PCDHA6: variants seen among roughly 807,000 people sequenced by gnomAD.
The protein encoded by PCDHA6 is protocadherin alpha-6.
PCDHA6 carries 55 observed loss-of-function variants against 60.3 expected under a neutral mutation model. The observed-to-expected ratio is 0.91, with a 90% CI of 0.73 to 1.14. The LOEUF is 1.14. Among genes scored for constraint, PCDHA6 ranks in the 50% most tolerant of loss-of-function variants. The pLI is 0.00. For missense variants in PCDHA6, 1,327 were observed against 1,256.5 expected (o/e 1.06, Z -0.85); for synonymous variants, 652 against 557.9 (o/e 1.17, Z -2.38).
chr5:140,868,245 C>T (rs1264028092), intron 1 of PCDHA6: 1 of 152,002 alleles, frequency 6.6e-6, no homozygotes, highest in Non-Finnish European at 1.5e-5. Context: ...GATCAATAGA[C>T]TTTTCCTTTG....
At chr5:140,903,570 C>G (rs781884167) in intron 1 of PCDHA6, among the ~76,000 whole-genome samples, 3 of 152,154 alleles carry the variant, frequency 2.0e-5, no homozygotes, top group Non-Finnish European at 4.4e-5. Context: ...GAATTGGGAG[C>G]TGTCTAGCTG....
chr5:140,969,311 G>A (rs2096317598), intron 1 of PCDHA6: 2 of 1,614,050 alleles, frequency 1.2e-6, no homozygotes, highest in Non-Finnish European at 1.7e-6. Context: ...TCTCAAAAAT[G>A]AGGCTGTTTC....
intron 1 of PCDHA6, chr5:140,870,137 A>C (rs1554163840): frequency 6.2e-7 from 1 of 1,613,940 alleles, no homozygotes; most frequent in Non-Finnish European, 8.5e-7. Flanking sequence ...ACCAACGATA[A>C]CTCTCCTGAA....
intron 1 of PCDHA6, among the ~76,000 whole-genome samples, chr5:140,840,016 A>G (rs1410068719): frequency 2.6e-5 from 4 of 152,124 alleles, no homozygotes; most frequent in African/African-American, 7.2e-5. Context: ...AGATTGGCTC[A>G]TGGTCACGTA....
In PCDHA6 at chr5:140,856,803, A is replaced by C. The variant is rs782347816; in HGVS notation, c.2394+26318A>C. On this transcript the variant is annotated intron_variant, in intron 1 of 3. Coordinates refer to ENST00000529310, the MANE Select transcript of PCDHA6 (RefSeq NM_018909.4). ...CCGGTTTATGAAGTTAAGATGTATGAAAATCAAGTGAACCAAACATTAGTA... is the reference window on the plus strand; with the variant it reads ...CCGGTTTATGAAGTTAAGATGTATGCAAATCAAGTGAACCAAACATTAGTA... 9.4e-6 allele frequency: 15 copies of C among 1,595,568 alleles called. 2 individuals are homozygous for C. In the Admixed American group the frequency reaches 1.2e-4, roughly 13 times the overall value.
intron 3 of PCDHA6, among the ~76,000 whole-genome samples, chr5:140,996,427 G>A (rs1479947811): frequency 6.6e-6 from 1 of 152,176 alleles, no homozygotes; most frequent in Non-Finnish European, 1.5e-5. Context: ...GAAAACTTTG[G>A]GAATAGTCAG....
At chr5:140,929,721 ATTTAC>A in intron 1 of PCDHA6, 2 of 222,496 alleles carry the variant, frequency 9.0e-6, no homozygotes, top group Non-Finnish European at 9.4e-6. Context: ...AAGGTGAAAC[ATTTAC>A]TTAAACTATT....
At chr5:140,846,639 G>C (rs1780602626) in intron 1 of PCDHA6, among the ~76,000 whole-genome samples, 2 of 149,172 alleles carry the variant, frequency 1.3e-5, no homozygotes, top group Non-Finnish European at 1.5e-5. Context: ...CTCCTAAAGT[G>C]CTGGGATTAC....
intron 1 of PCDHA6, chr5:140,843,169 C>A: frequency 6.3e-7 from 1 of 1,596,092 alleles, no homozygotes; most frequent in South Asian, 1.1e-5. Context: ...CAGCTGCAAG[C>A]AGCCCTCGCA....
chr5:140,966,998 C>G, intron 1 of PCDHA6: 1 of 1,604,774 alleles, frequency 6.2e-7, no homozygotes. Context: ...GGGTTGCTTG[C>G]GCATCAACCA....
At position 140,841,280 on chromosome 5, in the gene PCDHA6, T is replaced by C. The variant is rs2150312554; in HGVS notation, c.2394+10795T>C. Reference sequence around the variant, plus strand: ...CTCTGAAAGTACAGTCGTTCATCTTTATATTAAGATAATATTTTCTGATAG... The same window carrying C: ...CTCTGAAAGTACAGTCGTTCATCTTCATATTAAGATAATATTTTCTGATAG... On this transcript the variant is annotated intron_variant, in intron 1 of 3. Transcript: ENST00000529310. The C allele has an allele frequency of 2.7e-3, 4,162 of 1,542,382 alleles. 127 individuals are homozygous for C. The African/African-American group carries it at 0.05, about 19-fold the overall frequency.
rs550730996 is a variant in PCDHA6, at chr5:140,982,280, G to T, written c.2454-195G>T. The T allele has an allele frequency of 2.1e-5, 21 of 1,007,278 alleles. No homozygotes were observed. The Admixed American group carries it at 5.3e-4, about 25-fold the overall frequency. 62.4% of individuals were successfully genotyped at this position (1,007,278 alleles called of 1,614,324 possible). A position where few individuals can be genotyped will look rare whatever the true frequency, so the allele number is the denominator to read the frequency against. ...GTGTGTTCCTGGAATAGTATAGCAGGCAATAAGTAAGTCAGCAATGCTTCT... is the reference window on the plus strand; with the variant it reads ...GTGTGTTCCTGGAATAGTATAGCAGTCAATAAGTAAGTCAGCAATGCTTCT... On this transcript the variant is annotated intron_variant, in intron 2 of 3. Transcript: ENST00000529310.
chr5:140,843,140 C>G (rs1432182351), intron 1 of PCDHA6: 1 of 1,595,908 alleles, frequency 6.3e-7, no homozygotes, highest in Non-Finnish European at 8.6e-7. Context: ...CAACGCGTGG[C>G]TTTCGTATGA....
Position 140,858,600 on chromosome 5 carries a change from T to A in PCDHA6, c.2394+28115T>A, listed in dbSNP as rs1554151852. The stretch of plus-strand genomic sequence containing the variant: ...GTAATATAATTTATTCCAGGAGTTT[T>A]AAAATTTTTTTATCCTACCCAGTGT... On this transcript the variant is annotated intron_variant, in intron 1 of 3. Coordinates refer to ENST00000529310, the MANE Select transcript of PCDHA6 (RefSeq NM_018909.4). 7.0e-6 allele frequency: 9 copies of A among 1,293,864 alleles called. 2 individuals are homozygous for A. The highest frequency in any genetic ancestry group is 3.0e-5 in the African/African-American group (2 of 67,188). The allele number at this position is 1,293,864 out of a possible 1,614,324, so 80.1% of individuals were successfully genotyped here.
In PCDHA6 at chr5:140,828,600, A is replaced by G. The variant is rs1769845446; in HGVS notation, c.509A>G (p.Tyr170Cys). The change falls in exon 1 of 4, where the codon TAT becomes TGT. Residue 170 changes from tyrosine (Y) to cysteine (C), a missense_variant. Coordinates refer to ENST00000529310, the MANE Select transcript of PCDHA6 (RefSeq NM_018909.4). ...GTTGGCTCAAATTCCATCTTAACCTATAAACTCAGTTCTAGCGAATACTTC... is the reference window on the plus strand; with the variant it reads ...GTTGGCTCAAATTCCATCTTAACCTGTAAACTCAGTTCTAGCGAATACTTC... The part of the protein sequence containing the change: ...ADVGSNSILT[Y>C]KLSSSEYFGL... 1.9e-6 allele frequency: 3 copies of G among 1,614,242 alleles called. No homozygotes were observed. The highest frequency in any genetic ancestry group is 2.2e-5 in the East Asian group (1 of 44,884).
intron 3 of PCDHA6, among the ~76,000 whole-genome samples, chr5:141,004,046 C>A (rs79317939): frequency 0.03 from 4,581 of 152,294 alleles, 86 homozygotes; most frequent in Non-Finnish European, 0.047. Flanking sequence ...TGATCATTTG[C>A]TGATACTGGC....
intron 1 of PCDHA6, among the ~76,000 whole-genome samples, chr5:140,913,928 G>A (rs2076511708): frequency 1.3e-5 from 2 of 151,918 alleles, no homozygotes; most frequent in Non-Finnish European, 2.9e-5. Flanking sequence ...CTTCATTGTG[G>A]TCAGAGAAGA....
intron 3 of PCDHA6, among the ~76,000 whole-genome samples, chr5:140,999,340 C>T (rs903484891): frequency 2.6e-5 from 4 of 152,146 alleles, no homozygotes; most frequent in African/African-American, 4.8e-5. Flanking sequence ...ATTTATAAGC[C>T]TTGTCTCTTT....
chr5:140,968,489 C>T (rs1024952304), intron 1 of PCDHA6: 30 of 1,614,008 alleles, frequency 1.9e-5, no homozygotes, highest in Non-Finnish European at 2.5e-5. Context: ...CATGAATGAC[C>T]ATGCCCCTCA....
Sources: gnomAD v4.1 joint callset for allele counts (sites outside exome capture counted in the v4.1 genomes callset) on GRCh38, gnomAD v4.1.1 for gene constraint, MANE v1.5 for transcripts, NCBI Gene and HGNC (gene_info 2026-07-23, HGNC 2026-07-21) for gene names.